Variants in ATP2A1 observed in about 807,000 individuals in gnomAD.
The protein encoded by ATP2A1 is sarcoplasmic/endoplasmic reticulum calcium ATPase 1.
Under a neutral mutation model 109.5 loss-of-function variants are expected in ATP2A1, and 83 were observed. The ratio of observed to expected loss-of-function variants is 0.76; its 90% CI spans 0.63 to 0.91. The LOEUF (loss-of-function observed/expected upper bound fraction) is 0.91, where lower values mean the gene tolerates loss of function less well. Ranked by LOEUF, ATP2A1 falls within the 40% of genes least tolerant of loss-of-function variation. The pLI, the probability that ATP2A1 is intolerant of heterozygous loss-of-function variation, is 0.00. For synonymous variants in ATP2A1, 505 were observed against 537.6 expected, an observed-to-expected ratio of 0.94 and a Z score of 0.84; for missense variants, 1,101 against 1,341.0, an observed-to-expected ratio of 0.82 and a Z score of 2.80.
At chr16:28,882,268 T>C (rs1165777048) in intron 4 of ATP2A1, among the ~76,000 whole-genome samples, 183 bp from the exon 5 acceptor site, 1 of 152,062 alleles carries the variant, frequency 6.6e-6, no homozygotes, top group Non-Finnish European at 1.5e-5. Flanking sequence ...CTGATTTTCT[T>C]TGATTCTTCT....
chr16:28,880,776 C>G lies in ATP2A1; in HGVS notation c.220-139C>G, dbSNP rs1451955924. ...AGACCCTCAGACGGATGTGGGGCCA[C>G]AGCGCCCCGACGGTGCCCGGCCCTC... On this transcript the variant is annotated intron_variant, in intron 3 of 22. Transcript: ENST00000395503. This position sits in a 1 kb window ranked among gnomAD's most constrained non-coding sequence, Gnocchi z 4.2. The G allele has an allele frequency of 5.0e-6, 4 of 805,130 alleles. No individual in the cohort carries two copies. Among genetic ancestry groups the G allele is most frequent in the Admixed American group, 2.0e-5 (1 of 50,334 alleles). 49.9% of individuals were successfully genotyped at this position (805,130 alleles called of 1,614,324 possible).
intron 9 of ATP2A1, among the ~76,000 whole-genome samples, chr16:28,893,641 G>A (rs957495464): frequency 7.2e-6 from 1 of 139,370 alleles, no homozygotes; most frequent in Non-Finnish European, 1.5e-5. Flanking sequence ...TCACTCGTTT[G>A]TGGGTTTTTT....
rs1964109582 is a variant in ATP2A1 at position 28,902,515 on chromosome 16, C to G, written c.2525-65C>G. 1 of 1,573,320 alleles carries G rather than the reference C, an allele frequency of 6.4e-7. No homozygotes were observed. The highest frequency in any genetic ancestry group is 1.3e-5 in the African/African-American group (1 of 74,108). On this transcript the variant is annotated intron_variant, in intron 17 of 22. Coordinates refer to ENST00000395503, the MANE Select transcript of ATP2A1 (RefSeq NM_004320.6). This position sits in a 1 kb window ranked among gnomAD's most constrained non-coding sequence, Gnocchi z 4.8. ...CCAGCCTGTCCATGGCCACATGAGG[C>G]CCTCAACCCTCGATGCCCCCTATCT...
rs540528794 is a variant in ATP2A1, at chr16:28,904,299, CAT to C, written c.*158_*159del. On this transcript the variant is annotated 3_prime_UTR_variant, in exon 23 of 23. Coordinates refer to ENST00000395503, the MANE Select transcript of ATP2A1 (RefSeq NM_004320.6). ...CCCGTCCTGTCCCCCACACCCGTGT[CAT>C]GTGTCTGTTTATAAACATGTCCCCT... 1.5e-5 allele frequency: 24 copies of C among 1,609,768 alleles called. No individual in the cohort carries two copies. The Middle Eastern group carries it at 6.6e-4, about 44-fold the overall frequency.
chr16:28,879,138 A>G, intron 2 of ATP2A1, 22 bp downstream of exon 2: 1 of 1,613,300 alleles, frequency 6.2e-7, no homozygotes, highest in Admixed American at 1.7e-5. Flanking sequence ...GAATCCCTGA[A>G]CTCTCATAAA....
Position 28,903,748 on chromosome 16 carries a change from C to T in ATP2A1, c.*37+7C>T. ...CTCTGAGCCCGTGTCACAGGTATCA[C>T]CCCCTTCTTGCCCTCAGCCCAGCTG... On this transcript the variant is annotated splice_region_variant and intron_variant, in intron 22 of 22. Coordinates refer to ENST00000395503, the MANE Select transcript of ATP2A1 (RefSeq NM_004320.6). This position sits in a 1 kb window ranked among gnomAD's most constrained non-coding sequence, Gnocchi z 5.6. The T allele has an allele frequency of 6.2e-7, 1 of 1,613,166 alleles. No individual in the cohort carries two copies. The highest frequency in any genetic ancestry group is 8.5e-7 in the Non-Finnish European group (1 of 1,179,176).
At chr16:28,896,675 T>C (rs1182476306) in intron 12 of ATP2A1, among the ~76,000 whole-genome samples, 2 of 151,294 alleles carry the variant, frequency 1.3e-5, no homozygotes, top group Non-Finnish European at 2.9e-5. Flanking sequence ...CCTCCCAAAG[T>C]GCTGGGATTA....
Position 28,899,987 on chromosome 16 carries a change from AC to A in ATP2A1, c.1765-593del, listed in dbSNP as rs199703912. Among the ~76,000 whole-genome samples, 134 of 146,726 alleles carry A rather than the reference AC, an allele frequency of 9.1e-4. 3 individuals are homozygous for A. Among genetic ancestry groups the A allele is most frequent in the Non-Finnish European group, 9.2e-4 (61 of 66,600 alleles). On this transcript the variant is annotated intron_variant, in intron 14 of 22. Coordinates refer to ENST00000395503, the MANE Select transcript of ATP2A1 (RefSeq NM_004320.6). ...CTCAAAAAACAAAACAAAAACAAAA[AC>A]AAAAAAAAGGAAAGACACGATTTGG...
At chr16:28,891,589 CAAAAAA>C (rs58605175) in intron 9 of ATP2A1, among the ~76,000 whole-genome samples, 2 of 72,672 alleles carry the variant, frequency 2.8e-5, no homozygotes, top group Non-Finnish European at 2.4e-5. Flanking sequence ...GACTCCGTCT[CAAAAAA>C]AAAAAAAAAA....
At chr16:28,879,908 GCGCGGGGGGC>G in intron 3 of ATP2A1, 1 of 796,486 alleles carries the variant, frequency 1.3e-6, no homozygotes, top group Non-Finnish European at 1.6e-6. Context: ...GCCGGCTGCG[GCGCGGGGGGC>G]CACTGCCACT....
rs370940625 is a variant in ATP2A1 at position 28,882,239 on chromosome 16, G to T, written c.325-212G>T. On this transcript the variant is annotated intron_variant, in intron 4 of 22. Coordinates refer to ENST00000395503, the MANE Select transcript of ATP2A1 (RefSeq NM_004320.6). ...CTCCCAGAGTGCTGGGATTACAGGC[G>T]TGAGTCACCATGCCCGGCCTGATTT... is the stretch of plus-strand genomic sequence containing the variant. Among the ~76,000 whole-genome samples, 8 of 151,710 alleles carry T rather than the reference G, an allele frequency of 5.3e-5. No individual in the cohort carries two copies. The East Asian group carries it at 1.4e-3, about 26-fold the overall frequency.
chr16:28,898,453 T>G lies in ATP2A1; in HGVS notation c.1764+2T>G, dbSNP rs1311672531. 3.1e-6 allele frequency: 5 copies of G among 1,610,750 alleles called. No homozygotes were observed. The highest frequency in any genetic ancestry group is 4.2e-6 in the Non-Finnish European group (5 of 1,179,592). ...TCTGCCAGGTTCCTGGAGTATGAGGTAAGCAGCTGGGAGCCTCCCACTGTC... is the reference window on the plus strand; with the variant it reads ...TCTGCCAGGTTCCTGGAGTATGAGGGAAGCAGCTGGGAGCCTCCCACTGTC... On this transcript the variant is annotated splice_donor_variant, in intron 14 of 22. Transcript: ENST00000395503. LOFTEE classifies it high-confidence loss of function. The surrounding 1 kb of genome is among the most constrained non-coding windows in gnomAD (Gnocchi z 4.0).
intron 4 of ATP2A1, 109 bp from the exon 5 acceptor site, chr16:28,882,342 A>C (rs893654994): frequency 6.6e-7 from 1 of 1,522,338 alleles, no homozygotes; most frequent in Non-Finnish European, 9.1e-7. Context: ...CTCAACATAC[A>C]CACACCCCTG....
rs769929390 is a variant in ATP2A1, at chr16:28,902,650, C to T, written c.2595C>T (p.Val865=). ...WFLYAEDGPH[V]NYSQLTHFMQ... ...TGTACGCTGAGGATGGGCCTCATGTCAACTACAGCCAGCTGGTAGGGGGAG... is the reference window on the plus strand; with the variant it reads ...TGTACGCTGAGGATGGGCCTCATGTTAACTACAGCCAGCTGGTAGGGGGAG... Residue 865 remains valine, a synonymous_variant, in exon 18 of 23, where the codon GTC becomes GTT. Coordinates refer to ENST00000395503, the MANE Select transcript of ATP2A1 (RefSeq NM_004320.6). This position sits in a 1 kb window ranked among gnomAD's most constrained non-coding sequence, Gnocchi z 4.8. 29 of 1,613,940 alleles carry T rather than the reference C, an allele frequency of 1.8e-5. No individual in the cohort carries two copies. The highest frequency in any genetic ancestry group is 8.5e-7 in the Non-Finnish European group (1 of 1,179,980).
chr16:28,900,477 ACC>A, intron 14 of ATP2A1, 102 bp from the exon 15 acceptor site: 3 of 360,974 alleles, frequency 8.3e-6, no homozygotes, highest in East Asian at 5.9e-5. Context: ...ACCCCTCCCC[ACC>A]ACTTCCTGAC....
intron 14 of ATP2A1, 48 bp from the exon 15 acceptor site, chr16:28,900,533 T>G: frequency 7.3e-6 from 10 of 1,369,114 alleles, no homozygotes; most frequent in Admixed American, 2.3e-5. Flanking sequence ...TCCAGGGGAG[T>G]TTTCCAGATC....
chr16:28,888,668 G>C, intron 8 of ATP2A1, 119 bp from the exon 9 acceptor site: 22 of 1,240,124 alleles, frequency 1.8e-5, no homozygotes, highest in Non-Finnish European at 2.5e-5. Flanking sequence ...GCCTCCCAAA[G>C]TGCTAGGATT....
intron 12 of ATP2A1, among the ~76,000 whole-genome samples, chr16:28,896,006 A>G (rs12928113): frequency 1.3e-5 from 2 of 151,578 alleles, no homozygotes; most frequent in Admixed American, 6.6e-5. Context: ...CTGGAGTGCA[A>G]TGGCTATTCA....
At position 28,887,478 on chromosome 16, in the gene ATP2A1, G is replaced by A; in HGVS notation, c.684G>A (p.Val228=). 6.2e-7 allele frequency: 1 copy of A among 1,614,076 alleles called. No homozygotes were observed. Among genetic ancestry groups the A allele is most frequent in the South Asian group, 1.1e-5 (1 of 91,070 alleles). The stretch of plus-strand genomic sequence containing the variant: ...TGGGCATCGTGGCCACCACTGGTGT[G>A]GGCACCGAGATTGGGAAGATCCGAG... ...KALGIVATTG[V]GTEIGKIRDQ... Residue 228 remains valine (V), a synonymous_variant, in exon 8 of 23, where the codon GTG becomes GTA. Transcript: ENST00000395503.
Sources: allele counts gnomAD v4.1 joint callset (sites outside exome capture counted in the v4.1 genomes callset), GRCh38; gene constraint gnomAD v4.1.1; non-coding constraint Gnocchi (gnomAD v3.1); transcripts MANE v1.5; gene names NCBI Gene and HGNC (gene_info 2026-07-23, HGNC 2026-07-21).